The following NPAS3 variants were observed in gnomAD, a reference collection of about 807,000 sequenced individuals.
The protein encoded by NPAS3 is neuronal PAS domain-containing protein 3.
NPAS3 carries 14 observed loss-of-function variants against 73.1 expected under a neutral mutation model. The observed-to-expected ratio is 0.19, with a 90% CI of 0.13 to 0.30. NPAS3 has a LOEUF of 0.30. Ranked by LOEUF, NPAS3 falls within the 10% of genes least tolerant of loss-of-function variation. The pLI, the probability that NPAS3 is intolerant of heterozygous loss-of-function variation, is 1.00. For missense variants in NPAS3, 1,096 were observed against 1,250.0 expected, an observed-to-expected ratio of 0.88 and a Z score of 1.86; for synonymous variants, 620 against 541.5, an observed-to-expected ratio of 1.14 and a Z score of -2.01.
chr14:33,659,594 T>G (rs533105138), intron 5 of NPAS3, among the ~76,000 whole-genome samples: 2 of 152,284 alleles, frequency 1.3e-5, no homozygotes, highest in African/African-American at 4.8e-5. Context: ...ATGACACAAT[T>G]AAAACTAGAA....
intron 5 of NPAS3, among the ~76,000 whole-genome samples, chr14:33,645,218 T>A (rs906397283): frequency 1.3e-5 from 2 of 152,150 alleles, no homozygotes; most frequent in Admixed American, 6.6e-5. Context: ...TTGTTCAGGG[T>A]ACCTGATACT....
At chr14:33,202,755 G>A (rs987939721) in intron 2 of NPAS3, among the ~76,000 whole-genome samples, 20 of 143,124 alleles carry the variant, frequency 1.4e-4, no homozygotes, top group African/African-American at 5.1e-4. Context: ...GATTTCTTCT[G>A]ATTATTTCAG....
intron 4 of NPAS3, among the ~76,000 whole-genome samples, chr14:33,517,188 A>G (rs370102497): frequency 8.6e-5 from 13 of 152,046 alleles, no homozygotes; most frequent in African/African-American, 2.9e-4. Context: ...CAACTTCTAA[A>G]TCAGGTGATT....
chr14:33,553,639 G>T (rs973564443), intron 4 of NPAS3, among the ~76,000 whole-genome samples: 6 of 152,210 alleles, frequency 3.9e-5, no homozygotes, highest in Non-Finnish European at 7.3e-5. Context: ...GAAAGGCAAA[G>T]GAAGGAACAG....
chr14:33,767,642 T>C (rs1392836035), intron 7 of NPAS3, among the ~76,000 whole-genome samples: 1 of 143,750 alleles, frequency 7.0e-6, no homozygotes, highest in African/African-American at 2.6e-5. Flanking sequence ...TTCGTTCCCC[T>C]AGTCGCCTAG....
In NPAS3 at chr14:33,235,396, T is replaced by TC. The variant is rs770480256; in HGVS notation, c.385+19971dup. 2.6e-5 allele frequency among the ~76,000 whole-genome samples: 4 copies of TC among 152,282 alleles called. No homozygotes were observed. In the East Asian group the frequency reaches 7.7e-4, roughly 29 times the overall value. On this transcript the variant is annotated intron_variant, in intron 3 of 11. Transcript: ENST00000356141. ...TCCGATTTATGGCTTTCCTTTTTTTTCAGCTAAAAATCTGTAACTAGCAGG... is the reference window on the plus strand; with the variant it reads ...TCCGATTTATGGCTTTCCTTTTTTTTCCAGCTAAAAATCTGTAACTAGCAGG...
intron 4 of NPAS3, among the ~76,000 whole-genome samples, chr14:33,543,047 G>A (rs1234572847): frequency 3.3e-5 from 5 of 152,164 alleles, no homozygotes; most frequent in Non-Finnish European, 5.9e-5. Context: ...GATGATGAAC[G>A]TGCAGGCCAG....
At chr14:33,422,575 A>G (rs954422336) in intron 4 of NPAS3, among the ~76,000 whole-genome samples, 2 of 151,958 alleles carry the variant, frequency 1.3e-5, no homozygotes, top group African/African-American at 2.4e-5. Context: ...TTAAAAGCAT[A>G]TATATGTACC....
At chr14:33,654,329 A>G (rs1181034139) in intron 5 of NPAS3, among the ~76,000 whole-genome samples, 1 of 152,210 alleles carries the variant, frequency 6.6e-6, no homozygotes, top group Non-Finnish European at 1.5e-5. Context: ...TCAGGATAAT[A>G]GGAAGCCATT....
At chr14:33,244,818 G>A (rs2048324838) in intron 3 of NPAS3, among the ~76,000 whole-genome samples, 1 of 152,244 alleles carries the variant, frequency 6.6e-6, no homozygotes, top group African/African-American at 2.4e-5. Flanking sequence ...CACCCCATAG[G>A]TGTCAACTTG....
rs187160005 is a variant in NPAS3 at position 33,597,193 on chromosome 14, T to A, written c.558+36983T>A. Among the ~76,000 whole-genome samples, 85 of 152,334 alleles carry A rather than the reference T, an allele frequency of 5.6e-4. 1 individual carries two copies. In the Middle Eastern group the frequency reaches 0.024, roughly 43 times the overall value. On this transcript the variant is annotated intron_variant, in intron 5 of 11. Coordinates refer to ENST00000356141, the Ensembl canonical transcript of NPAS3. ...CCTTCACTAGTTCCTAGGAGTAGCA[T>A]GTAGATTTCTCTTTTGCACTTTATC...
intron 6 of NPAS3, among the ~76,000 whole-genome samples, chr14:33,696,048 C>T (rs2060368638): frequency 6.6e-6 from 1 of 152,142 alleles, no homozygotes; most frequent in African/African-American, 2.4e-5. Flanking sequence ...AAAACCTCTA[C>T]CTTGATGTCA....
At chr14:33,281,551 G>C (rs761064693) in intron 3 of NPAS3, among the ~76,000 whole-genome samples, 4 of 152,182 alleles carry the variant, frequency 2.6e-5, no homozygotes, top group Non-Finnish European at 5.9e-5. Flanking sequence ...AGAATCACTT[G>C]AACCTGGAAG....
intron 3 of NPAS3, among the ~76,000 whole-genome samples, chr14:33,265,407 A>AT (rs1239455967): frequency 6.6e-6 from 1 of 152,070 alleles, no homozygotes; most frequent in African/African-American, 2.4e-5. Context: ...TTTACAATAT[A>AT]TTTTTTCTCC....
chr14:33,446,168 T>TTC (rs1247587819), intron 4 of NPAS3, among the ~76,000 whole-genome samples: 1 of 100,414 alleles, frequency 1.0e-5, no homozygotes, highest in African/African-American at 5.1e-5. Flanking sequence ...CATGCTTTCT[T>TTC]TTTTTTTTTT....
At chr14:33,670,559 A>G (rs548471148) in intron 5 of NPAS3, among the ~76,000 whole-genome samples, 1 of 152,110 alleles carries the variant, frequency 6.6e-6, no homozygotes, top group African/African-American at 2.4e-5. Context: ...TAATCAAGCT[A>G]TCATATCTTA....
intron 4 of NPAS3, among the ~76,000 whole-genome samples, chr14:33,377,838 A>T (rs2140464383): frequency 6.6e-6 from 1 of 152,344 alleles, no homozygotes; most frequent in East Asian, 1.9e-4. Context: ...AAAGTGAAAC[A>T]GTAATCTGAA....
rs1555350930 is a variant in NPAS3 at position 33,180,799 on chromosome 14, C to CAAAAAAAAAAA, written c.141-34381_141-34380insAAAAAAAAAAA. Among the ~76,000 whole-genome samples the CAAAAAAAAAAA allele has an allele frequency of 5.8e-5, 4 of 69,346 alleles. 1 individual carries two copies. The highest frequency in any genetic ancestry group is 1.2e-4 in the African/African-American group (2 of 17,194). 45.5% of individuals were successfully genotyped at this position (69,346 alleles called of 152,430 possible). A position where few individuals can be genotyped will look rare whatever the true frequency, so the allele number is the denominator to read the frequency against. On this transcript the variant is annotated intron_variant, in intron 2 of 11. Transcript: ENST00000356141. Reference sequence around the variant, plus strand: ...GGGCGACAGAGCGAGACACTGTCTCCAAGAAAAAAAAAAAAAAAAAAAAAA... The same window carrying CAAAAAAAAAAA: ...GGGCGACAGAGCGAGACACTGTCTCCAAAAAAAAAAAAAGAAAAAAAAAAAAAAAAAAAAAA...
At chr14:33,241,171 C>T (rs1351082748) in intron 3 of NPAS3, among the ~76,000 whole-genome samples, 1 of 151,962 alleles carries the variant, frequency 6.6e-6, no homozygotes, top group East Asian at 1.9e-4. Flanking sequence ...TATACTATGC[C>T]TGGTGAACTC....
Sources: allele counts gnomAD v4.1 joint callset (sites outside exome capture counted in the v4.1 genomes callset), GRCh38; gene constraint gnomAD v4.1.1; transcripts MANE v1.5; gene names NCBI Gene and HGNC (gene_info 2026-07-23, HGNC 2026-07-21).